The following TBL1XR1 variants were observed in gnomAD, a reference collection of about 807,000 sequenced individuals.
TBL1XR1 encodes TBL1X/Y related 1.
TBL1XR1 carries 5 observed loss-of-function variants against 66.9 expected under a neutral mutation model. The ratio of observed to expected loss-of-function variants is 0.07; its 90% confidence interval spans 0.04 to 0.16. TBL1XR1 has a LOEUF of 0.16. Ranked by LOEUF, TBL1XR1 falls within the 10% of genes least tolerant of loss-of-function variation. TBL1XR1 has a pLI of 1.00. For missense variants in TBL1XR1, 238 were observed against 623.2 expected (o/e 0.38, Z 6.58); for synonymous variants, 210 against 206.0 (o/e 1.02, Z -0.17).
intron 1 of TBL1XR1, among the ~76,000 whole-genome samples, chr3:177,188,093 G>T (rs899768218): frequency 6.6e-6 from 1 of 151,466 alleles, no homozygotes; most frequent in South Asian, 2.1e-4. Flanking sequence ...CACCACACCC[G>T]GCTAATTTCT....
chr3:177,118,046 G>A lies in TBL1XR1; in HGVS notation c.-121-19505C>T, dbSNP rs550788898. ...TATAAATCTTTTATAGGTAGTATAC[G>A]AATTGTGACTTTCTTTCTTTACCTC... On this transcript the variant is annotated intron_variant, in intron 1 of 15. Transcript: ENST00000457928. Among the ~76,000 whole-genome samples, 11 of 152,276 alleles carry A rather than the reference G, an allele frequency of 7.2e-5. No homozygotes were observed. In the East Asian group the frequency reaches 1.2e-3, roughly 16 times the overall value.
intron 7 of TBL1XR1, among the ~76,000 whole-genome samples, chr3:177,048,522 G>A (rs998952650): frequency 6.6e-6 from 1 of 152,164 alleles, no homozygotes; most frequent in African/African-American, 2.4e-5. Flanking sequence ...ATTCTGCTGG[G>A]ATGTGGCCAT....
chr3:177,192,604 G>A (rs1015467871), intron 1 of TBL1XR1, among the ~76,000 whole-genome samples: 4 of 152,016 alleles, frequency 2.6e-5, no homozygotes, highest in Admixed American at 2.0e-4. Flanking sequence ...ACCAAGCTAA[G>A]TTTACTTCAA....
chr3:177,031,697 G>A (rs886439081), intron 14 of TBL1XR1, among the ~76,000 whole-genome samples: 26 of 149,308 alleles, frequency 1.7e-4, no homozygotes, highest in African/African-American at 6.3e-4. Flanking sequence ...AGGCTGAGGT[G>A]GGAGGATCCC....
chr3:177,029,612 CTCTA>C (rs1209782544), intron 14 of TBL1XR1, among the ~76,000 whole-genome samples: 1 of 152,086 alleles, frequency 6.6e-6, no homozygotes, highest in African/African-American at 2.4e-5. Flanking sequence ...CATAGTGAGA[CTCTA>C]TCTCAAGACA....
At chr3:177,130,516 C>T (rs752611499) in intron 1 of TBL1XR1, among the ~76,000 whole-genome samples, 12 of 152,114 alleles carry the variant, frequency 7.9e-5, no homozygotes, top group Admixed American at 2.0e-4. Flanking sequence ...CAGCATATTA[C>T]GTACTTTTCT....
intron 2 of TBL1XR1, among the ~76,000 whole-genome samples, chr3:177,085,471 C>T (rs141598944): frequency 1.3e-5 from 2 of 152,028 alleles, no homozygotes; most frequent in Non-Finnish European, 2.9e-5. Flanking sequence ...TGATCATTCT[C>T]AAAGGAAAAG....
chr3:177,078,373 C>T (rs549488660), intron 2 of TBL1XR1, among the ~76,000 whole-genome samples: 13 of 151,774 alleles, frequency 8.6e-5, no homozygotes, highest in African/African-American at 2.7e-4. Context: ...GGGAGGATCA[C>T]TTGAGCCCTG....
At chr3:177,173,584 G>A (rs1221406338) in intron 1 of TBL1XR1, among the ~76,000 whole-genome samples, 1 of 152,142 alleles carries the variant, frequency 6.6e-6, no homozygotes, top group African/African-American at 2.4e-5. Flanking sequence ...ATGAAAAAGG[G>A]GAAAGACTGA....
chr3:177,093,540 T>C (rs1389296130), intron 2 of TBL1XR1, among the ~76,000 whole-genome samples: 1 of 152,008 alleles, frequency 6.6e-6, no homozygotes, highest in Non-Finnish European at 1.5e-5. Context: ...AAAGAACCAA[T>C]CTGGAGTCAT....
At chr3:177,088,696 TTTC>T (rs1207318085) in intron 2 of TBL1XR1, among the ~76,000 whole-genome samples, 1 of 148,124 alleles carries the variant, frequency 6.8e-6, no homozygotes, top group African/African-American at 2.5e-5. Flanking sequence ...GTGCTCTGCT[TTTC>T]TTCATTTGTT....
intron 1 of TBL1XR1, among the ~76,000 whole-genome samples, chr3:177,112,686 G>T (rs1276505914): frequency 6.6e-6 from 1 of 152,064 alleles, no homozygotes; most frequent in African/African-American, 2.4e-5. Context: ...AAAAAGAAAA[G>T]TATGAGAACA....
rs1439766323 is a variant in TBL1XR1, at chr3:177,022,507, T to C, written c.*2991A>G. The C allele has an allele frequency of 6.6e-6, 1 of 152,566 alleles. No individual in the cohort carries two copies. The highest frequency in any genetic ancestry group is 2.4e-5 in the African/African-American group (1 of 41,452). 9.5% of individuals were successfully genotyped at this position (152,566 alleles called of 1,614,324 possible). ...GGAGACAAAAAAAGATATTCCTTTA[T>C]GTTGTTTAAAAGTGGCAGCTGCTCT... On this transcript the variant is annotated 3_prime_UTR_variant, in exon 16 of 16. Transcript: ENST00000457928.
chr3:177,092,322 G>C (rs1280135621), intron 2 of TBL1XR1, among the ~76,000 whole-genome samples: 1 of 152,050 alleles, frequency 6.6e-6, no homozygotes, highest in Non-Finnish European at 1.5e-5. Context: ...TAATTCATTA[G>C]ATGAAGCCTT....
At chr3:177,136,659 A>G (rs1729032618) in intron 1 of TBL1XR1, among the ~76,000 whole-genome samples, 1 of 152,204 alleles carries the variant, frequency 6.6e-6, no homozygotes, top group Admixed American at 6.5e-5. Context: ...CTACATTATC[A>G]AAAATAGATA....
At position 177,148,571 on chromosome 3, in the gene TBL1XR1, C is replaced by T. The variant is rs189298249; in HGVS notation, c.-122+48550G>A. Among the ~76,000 whole-genome samples the T allele has an allele frequency of 1.2e-3, 184 of 151,868 alleles. 2 individuals carry two copies. Among genetic ancestry groups the T allele is most frequent in the East Asian group, 9.7e-4 (5 of 5,146 alleles). On this transcript the variant is annotated intron_variant, in intron 1 of 15. Transcript: ENST00000457928. ...TCTACTAAAAATACAAAAAATTAGC[C>T]GAGCATGGTGCCGCATGCCTGTAAT...
At chr3:177,189,105 G>A (rs543484865) in intron 1 of TBL1XR1, among the ~76,000 whole-genome samples, 7 of 152,122 alleles carry the variant, frequency 4.6e-5, no homozygotes, top group Non-Finnish European at 1.0e-4. Context: ...CTACTCAGGA[G>A]GCTGAGGCAG....
intron 1 of TBL1XR1, among the ~76,000 whole-genome samples, chr3:177,110,252 A>T (rs28633310): frequency 0.017 from 2,601 of 152,334 alleles, 81 homozygotes; most frequent in East Asian, 0.057. Context: ...CAAAATTAAC[A>T]TCAAAGAACT....
chr3:177,156,514 TACATACAC>T (rs1553858975), intron 1 of TBL1XR1, among the ~76,000 whole-genome samples: 1 of 60,490 alleles, frequency 1.7e-5, no homozygotes, highest in Admixed American at 2.3e-4. Flanking sequence ...ATTATATATA[TACATACAC>T]ACACACACAC....
Sources: allele counts gnomAD v4.1 joint callset (sites outside exome capture counted in the v4.1 genomes callset), GRCh38; gene constraint gnomAD v4.1.1; transcripts MANE v1.5; gene names NCBI Gene and HGNC (gene_info 2026-07-23, HGNC 2026-07-21).